The following NSMAF variants were observed in gnomAD, a reference collection of about 807,000 sequenced individuals.
NSMAF encodes protein FAN.
NSMAF carries 90 observed loss-of-function variants against 134.9 expected under a neutral mutation model. The ratio of observed to expected loss-of-function variants is 0.67; its 90% confidence interval spans 0.56 to 0.79. NSMAF has a LOEUF of 0.79. Among genes scored for constraint, NSMAF ranks in the 30% least tolerant of loss-of-function variants. The probability of loss-of-function intolerance (pLI) is 0.00; values close to 1 mark genes in which losing one functional copy is unlikely to be tolerated. For synonymous variants in NSMAF, 358 were observed against 389.6 expected (o/e 0.92, Z 0.96); for missense variants, 1,010 against 1,119.0 (o/e 0.90, Z 1.39).
chr8:58,636,131 A>T (rs2129146377), intron 2 of NSMAF, among the ~76,000 whole-genome samples: 1 of 152,346 alleles, frequency 6.6e-6, no homozygotes, highest in South Asian at 2.1e-4. Flanking sequence ...CCCAATAGTA[A>T]CATAAAAACT....
Position 58,599,358 on chromosome 8 carries a change from C to T in NSMAF, c.1459G>A (p.Glu487Lys), listed in dbSNP as rs36067275. 1,352 of 1,613,726 alleles carry T rather than the reference C, an allele frequency of 8.4e-4. 15 individuals carry two copies. In the African/African-American group the frequency reaches 0.015, roughly 18 times the overall value. ...VELPPWASSP[E>K]DFLQKSKDAL... ...TCTTTGCTCTTCTGGAGAAAGTCCT[C>T]GGGACCTATTAGATTAGACTCAATC... The change falls in exon 19 of 31, where the codon GAG becomes AAG. Residue 487 changes from glutamate to lysine, a missense_variant. Physicochemically the swap from Glu to Lys is moderately conservative, Grantham distance 56. Coordinates refer to ENST00000038176, the MANE Select transcript of NSMAF (RefSeq NM_003580.4).
In NSMAF at chr8:58,601,428, A is replaced by C; in HGVS notation, c.1216+17T>G. On this transcript the variant is annotated intron_variant, in intron 15 of 30. Transcript: ENST00000038176. ...GTGAAATAAAATTTAATTGGGGGTA[A>C]TGATAAAGAATCTTACCAATCCTAA... 1 of 1,612,810 alleles carries C rather than the reference A, an allele frequency of 6.2e-7. No homozygotes were observed. The highest frequency in any genetic ancestry group is 8.5e-7 in the Non-Finnish European group (1 of 1,178,934).
chr8:58,648,185 TG>T (rs1185220586), intron 1 of NSMAF, among the ~76,000 whole-genome samples: 3 of 152,138 alleles, frequency 2.0e-5, no homozygotes, highest in African/African-American at 7.2e-5. Context: ...TAGGGATCTG[TG>T]GAAGGTTGAA....
At chr8:58,607,876 T>TCTGACACACAATC in intron 10 of NSMAF, 36 bp from the exon 11 acceptor site, 4 of 1,531,886 alleles carry the variant, frequency 2.6e-6, no homozygotes, top group Non-Finnish European at 2.7e-6. Context: ...AACATTATTG[T>TCTGACACACAATC]TCTGACACAA....
chr8:58,648,380 C>G (rs866771611), intron 1 of NSMAF, among the ~76,000 whole-genome samples: 2 of 152,092 alleles, frequency 1.3e-5, no homozygotes, highest in African/African-American at 4.8e-5. Context: ...ATTTGTAGCC[C>G]GGCCATGTGG....
chr8:58,635,287 G>C lies in NSMAF; in HGVS notation c.296+18C>G, dbSNP rs1243143016. On this transcript the variant is annotated intron_variant, in intron 4 of 30. Coordinates refer to ENST00000038176, the MANE Select transcript of NSMAF (RefSeq NM_003580.4). The stretch of plus-strand genomic sequence containing the variant: ...TTTTTGGTTGAAGTAAAATTAAACA[G>C]TGGTGAAAATGACATACTTTGTGAA... The C allele has an allele frequency of 6.2e-7, 1 of 1,609,392 alleles. No homozygotes were observed.
chr8:58,607,151 A>G (rs1248358025), intron 11 of NSMAF, among the ~76,000 whole-genome samples: 1 of 152,248 alleles, frequency 6.6e-6, no homozygotes, highest in Non-Finnish European at 1.5e-5. Flanking sequence ...AGGAGAAAAA[A>G]TGAATTTCTA....
At chr8:58,625,277 C>T (rs141561489) in intron 6 of NSMAF, among the ~76,000 whole-genome samples, 1 of 152,220 alleles carries the variant, frequency 6.6e-6, no homozygotes, top group East Asian at 1.9e-4. Flanking sequence ...GAATTCTTGG[C>T]CTCTATAATC....
intron 19 of NSMAF, 95 bp from the exon 20 acceptor site, chr8:58,597,997 T>A (rs1462574857): frequency 1.6e-5 from 14 of 896,092 alleles, no homozygotes; most frequent in Non-Finnish European, 2.0e-5. Flanking sequence ...TTAAAACTCA[T>A]GTTCAAAGAA....
At chr8:58,594,347 T>C (rs533726934) in intron 22 of NSMAF, 57 bp from the exon 23 acceptor site, 1 of 1,419,808 alleles carries the variant, frequency 7.0e-7, no homozygotes, top group East Asian at 2.3e-5. Context: ...GATACCCTCT[T>C]TGTTTCATAT....
At chr8:58,630,569 T>C (rs373675038) in intron 6 of NSMAF, among the ~76,000 whole-genome samples, 1 of 152,062 alleles carries the variant, frequency 6.6e-6, no homozygotes, top group East Asian at 1.9e-4. Context: ...GGAGGTGCTG[T>C]AACAAAAACA....
intron 1 of NSMAF, among the ~76,000 whole-genome samples, chr8:58,649,310 T>C (rs1230460632): frequency 6.6e-6 from 1 of 152,244 alleles, no homozygotes; most frequent in Non-Finnish European, 1.5e-5. Flanking sequence ...TGTACCACCA[T>C]TGTATCTTGA....
intron 9 of NSMAF, among the ~76,000 whole-genome samples, chr8:58,613,434 A>T (rs749207268): frequency 6.6e-6 from 1 of 152,192 alleles, no homozygotes; most frequent in Non-Finnish European, 1.5e-5. Flanking sequence ...TACATATTGT[A>T]ATCTCTAGAA....
At chr8:58,611,459 G>A (rs1806529482) in intron 9 of NSMAF, among the ~76,000 whole-genome samples, 1 of 152,166 alleles carries the variant, frequency 6.6e-6, no homozygotes, top group Non-Finnish European at 1.5e-5. Flanking sequence ...CTTGAGCCCG[G>A]GAGGATGGGG....
intron 6 of NSMAF, among the ~76,000 whole-genome samples, chr8:58,630,462 T>C (rs960919473): frequency 6.6e-6 from 1 of 152,142 alleles, no homozygotes; most frequent in African/African-American, 2.4e-5. Flanking sequence ...TTCAGCTGGC[T>C]CTCACGAGAG....
At chr8:58,587,396 C>T (rs918653528) in intron 27 of NSMAF, among the ~76,000 whole-genome samples, 10 of 152,168 alleles carry the variant, frequency 6.6e-5, no homozygotes, top group African/African-American at 2.4e-4. Context: ...AGCTAATTCT[C>T]AGGGAAATGT....
chr8:58,621,777 T>C (rs928925547), intron 9 of NSMAF, among the ~76,000 whole-genome samples: 1 of 152,256 alleles, frequency 6.6e-6, no homozygotes, highest in Non-Finnish European at 1.5e-5. Flanking sequence ...TGCATGTATG[T>C]CTTTTTTTGA....
intron 5 of NSMAF, among the ~76,000 whole-genome samples, chr8:58,632,150 C>T (rs1807068969): frequency 6.6e-6 from 1 of 152,140 alleles, no homozygotes; most frequent in South Asian, 2.1e-4. Context: ...AGAATGTGAA[C>T]ACCTCCCCAA....
chr8:58,598,490 C>CAAAAAAAAAAAAAAAAAAAAAAAAAAAA (rs71250204), intron 19 of NSMAF, among the ~76,000 whole-genome samples: 1 of 125,952 alleles, frequency 7.9e-6, no homozygotes, highest in Admixed American at 7.7e-5. Context: ...CTGTCTCAAA[C>CAAAAAAAAAAAAAAAAAAAAAAAAAAAA]AAAAAAAAAA....
Sources: allele counts gnomAD v4.1 joint callset (sites outside exome capture counted in the v4.1 genomes callset), GRCh38; gene constraint gnomAD v4.1.1; transcripts MANE v1.5; gene names NCBI Gene and HGNC (gene_info 2026-07-23, HGNC 2026-07-21).